The following C1orf216 variants were observed in gnomAD, a reference collection of about 807,000 sequenced individuals.
C1orf216 encodes the protein UPF0500 protein C1orf216.
In C1orf216, 18 loss-of-function variants were observed where a neutral mutation model predicts 16.4. The observed-to-expected ratio is 1.10, with a 90% confidence interval of 0.76 to 1.63. The LOEUF (loss-of-function observed/expected upper bound fraction) is 1.63. C1orf216 is among the 40% of genes most tolerant of loss of function. The pLI, the probability that C1orf216 is intolerant of heterozygous loss-of-function variation, is 0.00. For missense variants in C1orf216, 271 were observed against 297.6 expected (o/e 0.91, Z 0.66); for synonymous variants, 115 against 116.9 (o/e 0.98, Z 0.11).
chr1:35,716,598 C>T (rs1370012166), intron 1 of C1orf216: 8 of 477,830 alleles, frequency 1.7e-5, no homozygotes, highest in South Asian at 2.5e-5. Flanking sequence ...ACCTCATTCT[C>T]TGCTGTAGCT....
At chr1:35,718,336 A>C (rs1164774115) in intron 1 of C1orf216, among the ~76,000 whole-genome samples, 2 of 152,136 alleles carry the variant, frequency 1.3e-5, no homozygotes, top group Non-Finnish European at 2.9e-5. Context: ...AGAAGGGTGT[A>C]GGAACAGTTC....
rs753832161 is a variant in C1orf216, at chr1:35,715,382, A to C, written c.*250T>G. The C allele has an allele frequency of 3.7e-6, 2 of 546,830 alleles. No individual in the cohort carries two copies. The highest frequency in any genetic ancestry group is 6.5e-6 in the Non-Finnish European group (2 of 306,968). 33.9% of individuals were successfully genotyped at this position (546,830 alleles called of 1,614,324 possible). On this transcript the variant is annotated 3_prime_UTR_variant, in exon 2 of 2. Coordinates refer to ENST00000270815, the MANE Select transcript of C1orf216 (RefSeq NM_152374.2). The surrounding 1 kb of genome is among the most constrained non-coding windows in gnomAD (Gnocchi z 4.3). Reference sequence around the variant, plus strand: ...TCTTACATACTACACACACACACATATGTTCACTCTTACATGCTCACATAT... The same window carrying C: ...TCTTACATACTACACACACACACATCTGTTCACTCTTACATGCTCACATAT...
chr1:35,715,921 G>T lies in C1orf216; in HGVS notation c.401C>A (p.Pro134Gln), dbSNP rs145929828. 1.4e-4 allele frequency: 218 copies of T among 1,614,142 alleles called. No individual in the cohort carries two copies. The African/African-American group carries it at 2.6e-3, about 20-fold the overall frequency. ...GGGATCGGGAGGGCCAGGGCCTCGC[G>T]GGGTCCCACAGGCAGGCTCAGGACT... ...SSSPEPACGT[P>Q]RGPGPPDPLL... Residue 134 changes from proline (P) to glutamine (Q), a missense_variant, in exon 2 of 2, where the codon CCG becomes CAG. Coordinates refer to ENST00000270815, the MANE Select transcript of C1orf216 (RefSeq NM_152374.2). This position sits in a 1 kb window ranked among gnomAD's most constrained non-coding sequence, Gnocchi z 4.3.
At chr1:35,716,617 C>T in intron 1 of C1orf216, 1 of 425,708 alleles carries the variant, frequency 2.3e-6, no homozygotes, top group Middle Eastern at 6.7e-4. Context: ...CTTCAAAGAC[C>T]ATCATATGCT....
At position 35,715,888 on chromosome 1, in the gene C1orf216, G is replaced by T; in HGVS notation, c.434C>A (p.Pro145His). ...RGPGPPDPLL[P>H]SVAQAVQHLQ... ...GTGCTGCACAGCCTGGGCCACTGAG[G>T]GCAGAAGGGGATCGGGAGGGCCAGG... The change falls in exon 2 of 2, where the codon CCC (proline) becomes CAC (histidine). Residue 145 changes from proline to histidine, a missense_variant. Coordinates refer to ENST00000270815, the MANE Select transcript of C1orf216 (RefSeq NM_152374.2). This position sits in a 1 kb window ranked among gnomAD's most constrained non-coding sequence, Gnocchi z 4.3. The T allele has an allele frequency of 6.2e-7, 1 of 1,614,204 alleles. No homozygotes were observed. The highest frequency in any genetic ancestry group is 8.5e-7 in the Non-Finnish European group (1 of 1,180,044).
In C1orf216 at chr1:35,715,634, A is replaced by G. The variant is rs1166124007; in HGVS notation, c.688T>C (p.Ter230GlnextTer22). 1 of 1,611,168 alleles carries G rather than the reference A, an allele frequency of 6.2e-7. No homozygotes were observed. The highest frequency in any genetic ancestry group is 2.2e-5 in the East Asian group (1 of 44,816). ...AAPSRPQDQA* is the reference protein window; with the variant it reads ...AAPSRPQDQAQ ...TGCACACTTGTGGAGGCACACCCTT[A>G]GGCCTGGTCCTGGGGCCTGGATGGT... The change falls in exon 2 of 2, where the codon TAA (stop) becomes CAA (glutamine). Residue 230 changes from the stop codon to glutamine (Q), a stop_lost. Transcript: ENST00000270815. This position sits in a 1 kb window ranked among gnomAD's most constrained non-coding sequence, Gnocchi z 4.3.
rs1193698869 is a variant in C1orf216, at chr1:35,714,496, C to T, written c.*1136G>A. ...GACAGGGAAGCGATATTTTCCTCAT[C>T]GGCCTTGGAACATCTTGTCTGTTAC... On this transcript the variant is annotated 3_prime_UTR_variant, in exon 2 of 2. Transcript: ENST00000270815. 6.6e-6 allele frequency: 1 copy of T among 152,086 alleles called. No homozygotes were observed. The highest frequency in any genetic ancestry group is 1.5e-5 in the Non-Finnish European group (1 of 68,040). 9.4% of individuals were successfully genotyped at this position (152,086 alleles called of 1,614,324 possible).
At chr1:35,717,110 A>G (rs1177126480) in intron 1 of C1orf216, among the ~76,000 whole-genome samples, 1 of 151,102 alleles carries the variant, frequency 6.6e-6, no homozygotes, top group Non-Finnish European at 1.5e-5. Flanking sequence ...TGGGGTCCTC[A>G]CTATCCTTCC....
rs1480140099 is a variant in C1orf216 at position 35,716,291 on chromosome 1, C to A, written c.31G>T (p.Gly11Trp). The A allele has an allele frequency of 6.2e-7, 1 of 1,613,882 alleles. No homozygotes were observed. ...GGTGGGTCCCCCAGGAATTGGCCCC[C>A]CTCAGCTAGCCCTGGCTGGATGGCG... Reference protein sequence around the residue: MFAIQPGLAEGGQFLGDPPPG... With the variant: MFAIQPGLAEWGQFLGDPPPG... Residue 11 changes from glycine to tryptophan, a missense_variant, in exon 2 of 2, where the codon GGG (glycine) becomes TGG (tryptophan). By Grantham distance (184) the Gly-to-Trp change is radical (BLOSUM62 -2). This residue lies in a region of C1orf216 where 44 missense variants were observed against 46.0 expected (regional missense o/e 0.96). Coordinates refer to ENST00000270815, the MANE Select transcript of C1orf216 (RefSeq NM_152374.2).
rs1640935912 is a variant in C1orf216, at chr1:35,715,468, A to AT, written c.*163dup. The stretch of plus-strand genomic sequence containing the variant: ...GCACACAGCACACTTAAGCTCATTT[A>AT]TACATGCTTATTCACACATGCCTAC... On this transcript the variant is annotated 3_prime_UTR_variant, in exon 2 of 2. Transcript: ENST00000270815. This position sits in a 1 kb window ranked among gnomAD's most constrained non-coding sequence, Gnocchi z 4.3. 2 of 758,240 alleles carry AT rather than the reference A, an allele frequency of 2.6e-6. No homozygotes were observed. The highest frequency in any genetic ancestry group is 3.7e-5 in the South Asian group (2 of 53,682). 47.0% of individuals were successfully genotyped at this position (758,240 alleles called of 1,614,324 possible).
chr1:35,717,039 C>G (rs1640969191), intron 1 of C1orf216: 1 of 152,626 alleles, frequency 6.6e-6, no homozygotes, highest in Admixed American at 6.5e-5. Context: ...ACCAAACAAG[C>G]TCTCCTTCAG....
chr1:35,715,904 G>A lies in C1orf216; in HGVS notation c.418C>T (p.Pro140Ser), dbSNP rs762575661. The A allele has an allele frequency of 3.1e-6, 5 of 1,614,116 alleles. No individual in the cohort carries two copies. In the African/African-American group the frequency reaches 4.0e-5, roughly 13 times the overall value. Residue 140 changes from proline to serine, a missense_variant, in exon 2 of 2, where the codon CCC (proline) becomes TCC (serine). Transcript: ENST00000270815. This position sits in a 1 kb window ranked among gnomAD's most constrained non-coding sequence, Gnocchi z 4.3. ...GCCACTGAGGGCAGAAGGGGATCGG[G>A]AGGGCCAGGGCCTCGCGGGGTCCCA... ...ACGTPRGPGPPDPLLPSVAQA... is the reference protein window; with the variant it reads ...ACGTPRGPGPSDPLLPSVAQA...
chr1:35,715,556 T>G lies in C1orf216; in HGVS notation c.*76A>C. The G allele has an allele frequency of 6.8e-7, 1 of 1,471,826 alleles. No individual in the cohort carries two copies. Among genetic ancestry groups the G allele is most frequent in the African/African-American group, 1.4e-5 (1 of 71,190 alleles). 91.2% of individuals were successfully genotyped at this position (1,471,826 alleles called of 1,614,324 possible). On this transcript the variant is annotated 3_prime_UTR_variant, in exon 2 of 2. Coordinates refer to ENST00000270815, the MANE Select transcript of C1orf216 (RefSeq NM_152374.2). The surrounding 1 kb of genome is among the most constrained non-coding windows in gnomAD (Gnocchi z 4.3). ...CCTACCTGCAATCATGCCAGCAAAT[T>G]ATGTACTTACTAGTGCGCCTCACAC... is the stretch of plus-strand genomic sequence containing the variant.
In C1orf216 at chr1:35,715,872, A is replaced by G. The variant is rs772179865; in HGVS notation, c.450T>C (p.Ala150=). 2 of 1,614,224 alleles carry G rather than the reference A, an allele frequency of 1.2e-6. No individual in the cohort carries two copies. Among genetic ancestry groups the G allele is most frequent in the Admixed American group, 3.3e-5 (2 of 60,034 alleles). ...GCTCCTGGACTTGTAAGTGCTGCAC[A>G]GCCTGGGCCACTGAGGGCAGAAGGG... The part of the protein sequence containing the change: ...PDPLLPSVAQ[A]VQHLQVQERY... The change falls in exon 2 of 2, where the codon GCT becomes GCC. Residue 150 remains alanine, a synonymous_variant. Coordinates refer to ENST00000270815, the MANE Select transcript of C1orf216 (RefSeq NM_152374.2). The surrounding 1 kb of genome is among the most constrained non-coding windows in gnomAD (Gnocchi z 4.3).
chr1:35,715,814 C>A lies in C1orf216; in HGVS notation c.508G>T (p.Val170Leu). 1 of 1,614,246 alleles carries A rather than the reference C, an allele frequency of 6.2e-7. No individual in the cohort carries two copies. ...AGGCGACGGTACATCACCAAGTGCA[C>A]GTGGTGCTTTTCCTTCTCCTGCTCT... is the stretch of plus-strand genomic sequence containing the variant. ...YKEQEKEKHH[V>L]HLVMYRRLAL... Residue 170 changes from valine (V) to leucine (L), a missense_variant, in exon 2 of 2, where the codon GTG becomes TTG. Coordinates refer to ENST00000270815, the MANE Select transcript of C1orf216 (RefSeq NM_152374.2). This position sits in a 1 kb window ranked among gnomAD's most constrained non-coding sequence, Gnocchi z 4.3.
chr1:35,715,202 C>A lies in C1orf216; in HGVS notation c.*430G>T, dbSNP rs1298658565. On this transcript the variant is annotated 3_prime_UTR_variant, in exon 2 of 2. Transcript: ENST00000270815. This position sits in a 1 kb window ranked among gnomAD's most constrained non-coding sequence, Gnocchi z 4.3. ...CTGTGGCCAAACATGTGCACCCCTGCACACACAAGGGCTTCCTCACATACA... is the reference window on the plus strand; with the variant it reads ...CTGTGGCCAAACATGTGCACCCCTGAACACACAAGGGCTTCCTCACATACA... 1.4e-5 allele frequency: 3 copies of A among 212,376 alleles called. No individual in the cohort carries two copies. The Admixed American group carries it at 1.6e-4, about 11-fold the overall frequency. 13.2% of individuals were successfully genotyped at this position (212,376 alleles called of 1,614,324 possible). A position where few individuals can be genotyped will look rare whatever the true frequency, so the allele number is the denominator to read the frequency against.
At chr1:35,716,941 GA>G (rs1640967373) in intron 1 of C1orf216, 1 of 153,386 alleles carries the variant, frequency 6.5e-6, no homozygotes. Context: ...AGGTTTCAGT[GA>G]GCCGAGATTG....
Position 35,715,325 on chromosome 1 carries a change from C to T in C1orf216, c.*307G>A. ...CGCATATACACACACTGCTGGGTAC[C>T]TGTCTACACATGCACATACCGAGTT... is the stretch of plus-strand genomic sequence containing the variant. On this transcript the variant is annotated 3_prime_UTR_variant, in exon 2 of 2. Coordinates refer to ENST00000270815, the MANE Select transcript of C1orf216 (RefSeq NM_152374.2). The surrounding 1 kb of genome is among the most constrained non-coding windows in gnomAD (Gnocchi z 4.3). The T allele has an allele frequency of 4.7e-6, 2 of 421,060 alleles. No homozygotes were observed. Among genetic ancestry groups the T allele is most frequent in the East Asian group, 9.3e-5 (2 of 21,430 alleles). 26.1% of individuals were successfully genotyped at this position (421,060 alleles called of 1,614,324 possible).
At chr1:35,717,791 C>A (rs930115763) in intron 1 of C1orf216, among the ~76,000 whole-genome samples, 1 of 152,270 alleles carries the variant, frequency 6.6e-6, no homozygotes, top group Non-Finnish European at 1.5e-5. Context: ...CCATCATATT[C>A]CCCAGAGTCA....
Sources: allele counts gnomAD v4.1 joint callset (sites outside exome capture counted in the v4.1 genomes callset), GRCh38; gene constraint gnomAD v4.1.1; regional missense constraint gnomAD v4.1.1; non-coding constraint Gnocchi (gnomAD v3.1); transcripts MANE v1.5; gene names NCBI Gene and HGNC (gene_info 2026-07-23, HGNC 2026-07-21).